Variants in NKAIN2 observed in about 807,000 individuals in gnomAD.
The protein encoded by NKAIN2 is sodium/potassium transporting ATPase interacting 2.
Under a neutral mutation model 32.6 loss-of-function variants are expected in NKAIN2, and 14 were observed. The observed-to-expected ratio is 0.43, with a 90% CI of 0.28 to 0.67. The LOEUF (loss-of-function observed/expected upper bound fraction) is 0.67, where lower values mean the gene tolerates loss of function less well. Among genes scored for constraint, NKAIN2 ranks in the 30% least tolerant of loss-of-function variants. NKAIN2 has a pLI of 0.17. For synonymous variants in NKAIN2, 80 were observed against 87.2 expected, an observed-to-expected ratio of 0.92 and a Z score of 0.46; for missense variants, 198 against 258.3, an observed-to-expected ratio of 0.77 and a Z score of 1.60.
At chr6:124,705,483 C>T (rs1583680512) in intron 4 of NKAIN2, among the ~76,000 whole-genome samples, 1 of 151,910 alleles carries the variant, frequency 6.6e-6, no homozygotes, top group Admixed American at 6.6e-5. Flanking sequence ...AAGAATTGAA[C>T]CCTAAGTGGA....
intron 1 of NKAIN2, among the ~76,000 whole-genome samples, chr6:123,866,672 C>T (rs1378822529): frequency 6.6e-6 from 1 of 152,138 alleles, no homozygotes; most frequent in African/African-American, 2.4e-5. Flanking sequence ...CCTGGTGATC[C>T]ACCCATCTCG....
At chr6:124,058,850 T>C (rs920518060) in intron 1 of NKAIN2, among the ~76,000 whole-genome samples, 1 of 152,156 alleles carries the variant, frequency 6.6e-6, no homozygotes. Flanking sequence ...GCTGCTTTCT[T>C]GCTACCGTGG....
chr6:124,364,951 A>G (rs555533622), intron 3 of NKAIN2, among the ~76,000 whole-genome samples: 77 of 152,118 alleles, frequency 5.1e-4, no homozygotes, highest in Non-Finnish European at 2.2e-4. Context: ...AGGTTGTAGC[A>G]TTATTATGGA....
intron 2 of NKAIN2, among the ~76,000 whole-genome samples, chr6:124,315,453 A>G (rs571627023): frequency 2.2e-4 from 34 of 152,194 alleles, no homozygotes; most frequent in Admixed American, 4.6e-4. Flanking sequence ...AGAAAATCTC[A>G]TAAAGCTGCA....
intron 3 of NKAIN2, among the ~76,000 whole-genome samples, chr6:124,556,772 G>A (rs1426236437): frequency 6.6e-6 from 1 of 152,106 alleles, no homozygotes; most frequent in African/African-American, 2.4e-5. Flanking sequence ...TGAAATTTAT[G>A]TGGTTTCATA....
chr6:124,127,066 TAGAG>T (rs532908578), intron 1 of NKAIN2, among the ~76,000 whole-genome samples: 2 of 151,780 alleles, frequency 1.3e-5, no homozygotes, highest in Non-Finnish European at 2.9e-5. Context: ...CATATATATA[TAGAG>T]AGAGAGAGAA....
intron 4 of NKAIN2, among the ~76,000 whole-genome samples, chr6:124,720,810 AG>A (rs1775978128): frequency 6.6e-6 from 1 of 152,254 alleles, no homozygotes; most frequent in South Asian, 2.1e-4. Flanking sequence ...GAGAATCTAC[AG>A]GATTCAGTAT....
intron 2 of NKAIN2, among the ~76,000 whole-genome samples, chr6:124,334,421 T>C (rs1276841020): frequency 6.6e-6 from 1 of 152,172 alleles, no homozygotes; most frequent in East Asian, 1.9e-4. Flanking sequence ...ATTACTCAAA[T>C]CAGTCCCTTC....
intron 4 of NKAIN2, among the ~76,000 whole-genome samples, chr6:124,784,757 T>A (rs549437744): frequency 2.8e-4 from 43 of 152,004 alleles, no homozygotes; most frequent in Non-Finnish European, 5.0e-4. Context: ...TGTGTAGGAG[T>A]GCAATTGCTG....
intron 1 of NKAIN2, among the ~76,000 whole-genome samples, chr6:124,035,018 G>C (rs1425805256): frequency 6.6e-6 from 1 of 151,938 alleles, no homozygotes; most frequent in Non-Finnish European, 1.5e-5. Context: ...CTTTCGGATA[G>C]CATGACTGGA....
At chr6:124,734,842 C>T (rs186414713) in intron 4 of NKAIN2, among the ~76,000 whole-genome samples, 1 of 151,956 alleles carries the variant, frequency 6.6e-6, no homozygotes, top group African/African-American at 2.4e-5. Flanking sequence ...TGGAAAAAAT[C>T]ATAATAATGT....
chr6:123,993,022 A>G (rs1309638944), intron 1 of NKAIN2, among the ~76,000 whole-genome samples: 1 of 142,796 alleles, frequency 7.0e-6, no homozygotes, highest in Non-Finnish European at 1.5e-5. Context: ...TTTTATTCCT[A>G]TCTGGTAAAA....
At chr6:124,069,395 T>C (rs1389611237) in intron 1 of NKAIN2, among the ~76,000 whole-genome samples, 2 of 152,120 alleles carry the variant, frequency 1.3e-5, no homozygotes, top group African/African-American at 2.4e-5. Flanking sequence ...AGTTAGGACG[T>C]TCATCCACTT....
intron 1 of NKAIN2, among the ~76,000 whole-genome samples, chr6:124,186,240 GGAAA>G (rs1331796708): frequency 6.7e-6 from 1 of 150,154 alleles, no homozygotes; most frequent in Non-Finnish European, 1.5e-5. Context: ...GAGAGAGAAA[GGAAA>G]GAAAGAAAAG....
At position 124,135,841 on chromosome 6, in the gene NKAIN2, G is replaced by C. The variant is rs139514000; in HGVS notation, c.55-147164G>C. Among the ~76,000 whole-genome samples the C allele has an allele frequency of 9.5e-3, 1,451 of 152,160 alleles. 25 individuals are homozygous for C. Among genetic ancestry groups the C allele is most frequent in the African/African-American group, 0.032 (1,347 of 41,532 alleles). On this transcript the variant is annotated intron_variant, in intron 1 of 6. Transcript: ENST00000368417. ...AAATTATTTGCACAGAACAGTAATA[G>C]TGACACAACTTACCAAAACCTCTGG...
chr6:124,336,325 G>C (rs890494539), intron 2 of NKAIN2, among the ~76,000 whole-genome samples: 1 of 152,092 alleles, frequency 6.6e-6, no homozygotes, highest in Admixed American at 6.5e-5. Context: ...TTTAATTTGG[G>C]GTAGGCTTGT....
chr6:124,015,338 T>G (rs1397275739), intron 1 of NKAIN2, among the ~76,000 whole-genome samples: 1 of 152,172 alleles, frequency 6.6e-6, no homozygotes, highest in African/African-American at 2.4e-5. Context: ...AAAAATTGTT[T>G]CTTTGCTCTT....
At chr6:123,934,543 T>C (rs1020451232) in intron 1 of NKAIN2, among the ~76,000 whole-genome samples, 1 of 152,184 alleles carries the variant, frequency 6.6e-6, no homozygotes, top group Non-Finnish European at 1.5e-5. Context: ...TTTATGTGCA[T>C]GTTCTTTCTT....
At chr6:124,601,707 C>G (rs1203779152) in intron 3 of NKAIN2, among the ~76,000 whole-genome samples, 1 of 151,936 alleles carries the variant, frequency 6.6e-6, no homozygotes, top group African/African-American at 2.4e-5. Context: ...CATATCCAGG[C>G]TGTAGAAAAT....
Sources: gnomAD v4.1 joint callset for allele counts (sites outside exome capture counted in the v4.1 genomes callset) on GRCh38, gnomAD v4.1.1 for gene constraint, MANE v1.5 for transcripts, NCBI Gene and HGNC (gene_info 2026-07-23, HGNC 2026-07-21) for gene names.